The following ERC1 variants were observed in gnomAD, a reference collection of about 807,000 sequenced individuals.
ERC1 encodes ELKS/RAB6-interacting/CAST family member 1.
In ERC1, 56 loss-of-function variants were observed where a neutral mutation model predicts 132.0. That is an observed-to-expected ratio of 0.42 (90% CI 0.34 to 0.53). The LOEUF is 0.53. Ranked by LOEUF, ERC1 falls within the 20% of genes least tolerant of loss-of-function variation. The pLI, the probability that ERC1 is intolerant of heterozygous loss-of-function variation, is 0.03. For synonymous variants in ERC1, 478 were observed against 476.1 expected (o/e 1.00, Z -0.05); for missense variants, 1,202 against 1,349.9 (o/e 0.89, Z 1.72).
intron 16 of ERC1, among the ~76,000 whole-genome samples, chr12:1,397,738 T>A (rs1246872832): frequency 6.6e-6 from 1 of 152,188 alleles, no homozygotes; most frequent in Non-Finnish European, 1.5e-5. Context: ...AAGCAAGCCT[T>A]CTGTGATTAT....
intron 18 of ERC1, among the ~76,000 whole-genome samples, chr12:1,466,096 A>G (rs1348186417): frequency 6.6e-6 from 1 of 152,154 alleles, no homozygotes; most frequent in Non-Finnish European, 1.5e-5. Context: ...CTTGCTCGGG[A>G]CACCGTAACA....
At chr12:1,231,671 CTT>C (rs35230333) in intron 12 of ERC1, among the ~76,000 whole-genome samples, 14 of 146,934 alleles carry the variant, frequency 9.5e-5, no homozygotes, top group South Asian at 2.2e-4. Flanking sequence ...TGAAGAACAA[CTT>C]TTTTTTTTTT....
At chr12:1,146,315 T>TTTTTTTTTTTTTTTTTTTG (rs1950352056) in intron 8 of ERC1, among the ~76,000 whole-genome samples, 1 of 138,650 alleles carries the variant, frequency 7.2e-6, no homozygotes, top group African/African-American at 2.9e-5. Flanking sequence ...CTGGTTTTTT[T>TTTTTTTTTTTTTTTTTTTG]TTTTTTTTTT....
intron 1 of ERC1, among the ~76,000 whole-genome samples, chr12:994,733 C>T (rs1486048051): frequency 6.6e-6 from 1 of 152,106 alleles, no homozygotes; most frequent in Non-Finnish European, 1.5e-5. Context: ...GTGAACAGTT[C>T]TCCCAGCACT....
intron 7 of ERC1, among the ~76,000 whole-genome samples, chr12:1,129,413 C>T (rs1312027345): frequency 6.6e-6 from 1 of 152,132 alleles, no homozygotes; most frequent in Admixed American, 6.5e-5. Flanking sequence ...CCTGGCTACT[C>T]AGAAGTCGAA....
At chr12:1,115,817 G>C in intron 6 of ERC1, 49 bp from the exon 7 acceptor site, 1 of 1,483,762 alleles carries the variant, frequency 6.7e-7, no homozygotes, top group Admixed American at 1.9e-5. Context: ...CAGATAAGAG[G>C]TGTTTGTTTT....
chr12:1,251,555 G>A (rs372604009), intron 13 of ERC1, among the ~76,000 whole-genome samples: 2 of 152,042 alleles, frequency 1.3e-5, no homozygotes, highest in South Asian at 2.1e-4. Context: ...CTGAAATTAC[G>A]CATGAAAATT....
intron 7 of ERC1, among the ~76,000 whole-genome samples, chr12:1,124,425 A>G (rs1035432557): frequency 3.9e-5 from 6 of 152,334 alleles, no homozygotes; most frequent in East Asian, 1.9e-4. Context: ...GGAAAAATAT[A>G]AACATTTAAA....
intron 18 of ERC1, among the ~76,000 whole-genome samples, chr12:1,486,590 A>AT (rs952905787): frequency 3.3e-5 from 5 of 151,752 alleles, no homozygotes; most frequent in African/African-American, 1.2e-4. Flanking sequence ...ATGCCCAGCT[A>AT]TTTTTTGTAT....
chr12:1,362,458 C>G (rs980276540), intron 15 of ERC1, among the ~76,000 whole-genome samples: 3 of 152,142 alleles, frequency 2.0e-5, no homozygotes, highest in Admixed American at 6.5e-5. Flanking sequence ...GTCTCTCTCT[C>G]TCTCTCTCTC....
chr12:1,310,048 C>T (rs566248521), intron 15 of ERC1, among the ~76,000 whole-genome samples: 34 of 151,794 alleles, frequency 2.2e-4, no homozygotes, highest in African/African-American at 6.5e-4. Context: ...CCCGGGTTCA[C>T]GCCATTCTCC....
At chr12:1,083,649 T>TG in intron 3 of ERC1, 69 bp downstream of exon 3, 1 of 1,243,438 alleles carries the variant, frequency 8.0e-7, no homozygotes, top group Non-Finnish European at 1.1e-6. Context: ...ATCAGCATCT[T>TG]GGCCCCAGTG....
chr12:1,035,876 C>T (rs1179021529), intron 2 of ERC1, among the ~76,000 whole-genome samples: 5 of 151,300 alleles, frequency 3.3e-5, no homozygotes, highest in Non-Finnish European at 7.4e-5. Flanking sequence ...GAGCTGAGAT[C>T]GCACCACTGC....
Position 1,056,870 on chromosome 12 carries a change from T to C in ERC1, c.670-26294T>C, listed in dbSNP as rs183587968. Among the ~76,000 whole-genome samples, 1,233 of 152,314 alleles carry C rather than the reference T, an allele frequency of 8.1e-3. 22 individuals carry two copies. The highest frequency in any genetic ancestry group is 0.028 in the African/African-American group (1,182 of 41,558). On this transcript the variant is annotated intron_variant, in intron 2 of 18. Transcript: ENST00000360905. ...GTTAGAAAAGAAATTCTTTTGGGGC[T>C]GCTTTTTGTTAAAAGGGGAAATTAC...
chr12:1,073,731 G>A (rs2154183579), intron 2 of ERC1, among the ~76,000 whole-genome samples: 1 of 152,288 alleles, frequency 6.6e-6, no homozygotes, highest in African/African-American at 2.4e-5. Flanking sequence ...CAAGTATTAT[G>A]TACTGTATAT....
chr12:1,400,283 A>G (rs1417259224), intron 16 of ERC1, among the ~76,000 whole-genome samples: 1 of 152,114 alleles, frequency 6.6e-6, no homozygotes, highest in Admixed American at 6.5e-5. Flanking sequence ...GGGTATTTGT[A>G]TTTTTATTAT....
At chr12:1,142,647 A>G (rs781050627) in intron 8 of ERC1, among the ~76,000 whole-genome samples, 33 of 152,332 alleles carry the variant, frequency 2.2e-4, no homozygotes, top group South Asian at 6.2e-4. Flanking sequence ...GAGTGTGTTA[A>G]TAGGCTTTTT....
chr12:1,341,067 TTC>T (rs2083804480), intron 15 of ERC1, among the ~76,000 whole-genome samples: 2 of 97,570 alleles, frequency 2.0e-5, no homozygotes, highest in South Asian at 3.5e-4. Context: ...TCTTTTCTTT[TTC>T]TTTTTTTTTT....
chr12:1,146,307 G>GTTT (rs1346178811), intron 8 of ERC1, among the ~76,000 whole-genome samples: 4 of 59,394 alleles, frequency 6.7e-5, no homozygotes, highest in Non-Finnish European at 1.2e-4. Context: ...GTATTTTACT[G>GTTT]GTTTTTTTTT....
Sources: allele counts gnomAD v4.1 joint callset (sites outside exome capture counted in the v4.1 genomes callset), GRCh38; gene constraint gnomAD v4.1.1; transcripts MANE v1.5; gene names NCBI Gene and HGNC (gene_info 2026-07-23, HGNC 2026-07-21).